Variants in PLXNA4 observed in about 807,000 individuals in gnomAD.
PLXNA4 encodes plexin A4, also known as plexin-A4.
A neutral mutation model predicts 191.8 loss-of-function variants in PLXNA4; 44 were observed. That is an observed-to-expected ratio of 0.23 (90% confidence interval 0.18 to 0.29). The LOEUF (loss-of-function observed/expected upper bound fraction) is 0.29. PLXNA4 is among the 10% of genes least tolerant of loss of function. The pLI is 1.00. For missense variants in PLXNA4, 1,800 were observed against 2,488.8 expected (o/e 0.72, Z 5.89); for synonymous variants, 1,082 against 1,009.5 (o/e 1.07, Z -1.36).
At chr7:132,257,269 T>G (rs1799465774) in intron 4 of PLXNA4, among the ~76,000 whole-genome samples, 1 of 152,238 alleles carries the variant, frequency 6.6e-6, no homozygotes. Context: ...TGGACAATGA[T>G]GAAGGCAGAG....
At chr7:132,179,389 T>TATAC (rs1796623118) in intron 20 of PLXNA4, among the ~76,000 whole-genome samples, 1 of 129,396 alleles carries the variant, frequency 7.7e-6, no homozygotes. Context: ...ACATGAAACA[T>TATAC]ATACACATAC....
chr7:132,296,454 T>G lies in PLXNA4; in HGVS notation c.1503+1637A>C, dbSNP rs551858999. 1.1e-4 allele frequency among the ~76,000 whole-genome samples: 16 copies of G among 151,546 alleles called. No homozygotes were observed. In the East Asian group the frequency reaches 2.9e-3, roughly 28 times the overall value. ...TTTTTAATTTCTCTTTTTTTTTTTT[T>G]AGAGACAAAGTCTTGCTATGTTGCC... is the stretch of plus-strand genomic sequence containing the variant. On this transcript the variant is annotated intron_variant, in intron 4 of 31. Coordinates refer to ENST00000321063, the MANE Select transcript of PLXNA4 (RefSeq NM_020911.2).
chr7:132,174,604 G>T (rs1762893686), intron 21 of PLXNA4, among the ~76,000 whole-genome samples, 174 bp downstream of exon 21: 1 of 152,190 alleles, frequency 6.6e-6, no homozygotes, highest in African/African-American at 2.4e-5. Context: ...AGGTTCCCTG[G>T]CTTGGCCCCA....
Position 132,168,506 on chromosome 7 carries a change from T to C in PLXNA4, c.4084A>G (p.Lys1362Glu). Residue 1362 changes from lysine to glutamate, a missense_variant, in exon 22 of 32, where the codon AAG becomes GAG. Physicochemically the swap from Lys to Glu is moderately conservative, Grantham distance 56 (BLOSUM62 1). Coordinates refer to ENST00000321063, the MANE Select transcript of PLXNA4 (RefSeq NM_020911.2). ...CGGATGAAGGACAGCAGGAACACCT[T>C]GTTGTTGATGAGCTGGGCGAAGAGC... ...LKLFAQLINN[K>E]VFLLSFIRTL... 6.2e-7 allele frequency: 1 copy of C among 1,613,316 alleles called. No individual in the cohort carries two copies. The highest frequency in any genetic ancestry group is 8.5e-7 in the Non-Finnish European group (1 of 1,179,502).
chr7:132,643,989 T>A (rs1020108618), intron 2 of PLXNA4, among the ~76,000 whole-genome samples: 1 of 152,074 alleles, frequency 6.6e-6, no homozygotes, highest in African/African-American at 2.4e-5. Context: ...TCAGAATATA[T>A]CACACACTAG....
At chr7:132,600,176 C>A (rs116090662) in intron 2 of PLXNA4, among the ~76,000 whole-genome samples, 4 of 152,126 alleles carry the variant, frequency 2.6e-5, no homozygotes, top group African/African-American at 7.2e-5. Context: ...AAAAACTATA[C>A]TAACTTCAAC....
intron 4 of PLXNA4, among the ~76,000 whole-genome samples, chr7:132,248,822 C>A (rs1799146680): frequency 6.6e-6 from 1 of 151,764 alleles, no homozygotes; most frequent in African/African-American, 2.4e-5. Context: ...ACCCCTTGTA[C>A]TGACCATCTG....
chr7:132,182,105 G>A lies in PLXNA4; in HGVS notation c.3244C>T (p.His1082Tyr), dbSNP rs1158535125. 1 of 1,614,054 alleles carries A rather than the reference G, an allele frequency of 6.2e-7. No homozygotes were observed. Among genetic ancestry groups the A allele is most frequent in the African/African-American group, 1.3e-5 (1 of 74,938 alleles). Residue 1082 changes from histidine to tyrosine, a missense_variant, in exon 17 of 32, where the codon CAC (histidine) becomes TAC (tyrosine). Transcript: ENST00000321063. ...ATCAGCCCTACACTCACATTGATGT[G>A]CTCCTTCCCTCCATGCTTGGCACGG... ...QIRAKHGGKE[H>Y]INICEVLNAT...
chr7:132,582,982 A>C (rs1444916819), intron 2 of PLXNA4, among the ~76,000 whole-genome samples: 1 of 152,204 alleles, frequency 6.6e-6, no homozygotes, highest in East Asian at 1.9e-4. Flanking sequence ...CTCTTAGTAC[A>C]TCTCAGTGTG....
chr7:132,267,683 A>G (rs1208102200), intron 4 of PLXNA4, among the ~76,000 whole-genome samples: 2 of 152,234 alleles, frequency 1.3e-5, no homozygotes, highest in Non-Finnish European at 2.9e-5. Context: ...CAGCTCTTCA[A>G]TCCTCAGAAT....
chr7:132,278,485 T>C (rs779559810), intron 4 of PLXNA4, among the ~76,000 whole-genome samples: 3 of 152,070 alleles, frequency 2.0e-5, no homozygotes, highest in Non-Finnish European at 2.9e-5. Flanking sequence ...ATTCCAAGGG[T>C]CAACTAAGCG....
intron 4 of PLXNA4, among the ~76,000 whole-genome samples, chr7:132,262,174 T>C (rs1799670473): frequency 6.6e-6 from 1 of 152,190 alleles, no homozygotes; most frequent in Non-Finnish European, 1.5e-5. Flanking sequence ...ATTTTAATTA[T>C]AAAAATCCGT....
intron 2 of PLXNA4, among the ~76,000 whole-genome samples, chr7:132,584,546 T>TAAAACAAAATG (rs374298014): frequency 6.6e-6 from 1 of 152,174 alleles, no homozygotes; most frequent in Admixed American, 6.5e-5. Context: ...GGTGCAGATG[T>TAAAACAAAATG]AAAACAAAAT....
intron 3 of PLXNA4, among the ~76,000 whole-genome samples, chr7:132,474,241 CACACACACACACACACAT>C (rs1797041047): frequency 6.6e-6 from 1 of 151,656 alleles, no homozygotes; most frequent in African/African-American, 2.4e-5. Flanking sequence ...CACACACACA[CACACACACACACACACAT>C]GCACACACCA....
chr7:132,308,599 G>A (rs1801613760), intron 3 of PLXNA4, among the ~76,000 whole-genome samples: 1 of 152,096 alleles, frequency 6.6e-6, no homozygotes, highest in Admixed American at 6.5e-5. Context: ...TGAAGTCCAG[G>A]GGCAAACAGC....
chr7:132,486,007 C>A (rs746572822), intron 3 of PLXNA4, among the ~76,000 whole-genome samples: 15 of 152,188 alleles, frequency 9.9e-5, no homozygotes, highest in Non-Finnish European at 2.2e-4. Context: ...CTGAAACCCA[C>A]AGCAAACACC....
chr7:132,187,426 A>G (rs746529014), intron 15 of PLXNA4, 45 bp downstream of exon 15: 27 of 1,592,192 alleles, frequency 1.7e-5, no homozygotes, highest in Non-Finnish European at 2.1e-5. Context: ...TTACCTGTCT[A>G]ACCTTTCCCT....
rs1163111582 is a variant in PLXNA4, at chr7:132,482,475, C to T, written c.1371+6817G>A. Among the ~76,000 whole-genome samples the T allele has an allele frequency of 3.9e-5, 6 of 152,282 alleles. No homozygotes were observed. The South Asian group carries it at 1.0e-3, about 26-fold the overall frequency. ...GACTCTTCCCCATTCTGGTCTTTAG[C>T]AGTGGGATGACTGCAGCCCCAGCCA... On this transcript the variant is annotated intron_variant, in intron 3 of 31. Coordinates refer to ENST00000321063, the MANE Select transcript of PLXNA4 (RefSeq NM_020911.2).
intron 4 of PLXNA4, among the ~76,000 whole-genome samples, chr7:132,281,309 T>C (rs112240825): frequency 6.6e-6 from 1 of 152,208 alleles, no homozygotes; most frequent in African/African-American, 2.4e-5. Context: ...GATTTTTTTT[T>C]TCAGTCTCAT....
Sources: gnomAD v4.1 joint callset for allele counts (sites outside exome capture counted in the v4.1 genomes callset) on GRCh38, gnomAD v4.1.1 for gene constraint, MANE v1.5 for transcripts, NCBI Gene and HGNC (gene_info 2026-07-23, HGNC 2026-07-21) for gene names.